Variants in KIF5B observed in about 807,000 individuals in gnomAD.
KIF5B encodes the protein kinesin family member 5B, also known as kinesin-1 heavy chain.
A neutral mutation model predicts 132.8 loss-of-function variants in KIF5B; 49 were observed. The ratio of observed to expected loss-of-function variants is 0.37; its 90% CI spans 0.29 to 0.47. The LOEUF is 0.47. Among genes scored for constraint, KIF5B ranks in the 20% least tolerant of loss-of-function variants. KIF5B has a pLI of 1.00. For synonymous variants in KIF5B, 355 were observed against 369.4 expected (o/e 0.96, Z 0.45); for missense variants, 780 against 1,144.0 (o/e 0.68, Z 4.59).
At chr10:32,023,510 GA>G (rs1234180903) in intron 15 of KIF5B, among the ~76,000 whole-genome samples, 1 of 152,162 alleles carries the variant, frequency 6.6e-6, no homozygotes, top group Non-Finnish European at 1.5e-5. Context: ...CCTTCAGGAA[GA>G]AATAAAACTG....
rs182794074 is a variant in KIF5B at position 32,050,581 on chromosome 10, T to C, written c.127-2030A>G. Among the ~76,000 whole-genome samples the C allele has an allele frequency of 3.3e-5, 5 of 152,330 alleles. No homozygotes were observed. In the East Asian group the frequency reaches 9.6e-4, roughly 29 times the overall value. On this transcript the variant is annotated intron_variant, in intron 1 of 25. Coordinates refer to ENST00000302418, the MANE Select transcript of KIF5B (RefSeq NM_004521.3). ...CCGTGAAGGGCCTATATCCAGGCTT[T>C]TTGTTATGTGAGAAAAACATCCTCT... is the stretch of plus-strand genomic sequence containing the variant.
At chr10:32,055,518 G>GCACACACA (rs61091883) in intron 1 of KIF5B, among the ~76,000 whole-genome samples, 12 of 150,022 alleles carry the variant, frequency 8.0e-5, no homozygotes, top group African/African-American at 1.5e-4. Context: ...ATCCGTAATT[G>GCACACACA]CACACACACA....
In KIF5B at chr10:32,014,446, C is replaced by T. The variant is rs1393411326; in HGVS notation, c.*20+1063G>A. Among the ~76,000 whole-genome samples the T allele has an allele frequency of 6.6e-5, 10 of 151,984 alleles. No individual in the cohort carries two copies. The East Asian group carries it at 1.9e-3, about 29-fold the overall frequency. On this transcript the variant is annotated intron_variant, in intron 25 of 25. Transcript: ENST00000302418. ...GGGGGCAGGGGGCCGGAAAAAAAAGCAGGCTCCGAAGCAGCATATGTAGTA... is the reference window on the plus strand; with the variant it reads ...GGGGGCAGGGGGCCGGAAAAAAAAGTAGGCTCCGAAGCAGCATATGTAGTA...
intron 9 of KIF5B, 100 bp downstream of exon 9, chr10:32,035,788 CTT>C (rs1369549772): frequency 3.2e-5 from 42 of 1,316,698 alleles, no homozygotes; most frequent in Admixed American, 6.5e-5. Context: ...CTCAATCTCT[CTT>C]TCTCTCTCTC....
At chr10:32,022,070 A>C (rs1341656121) in intron 17 of KIF5B, 70 bp downstream of exon 17, 2 of 734,324 alleles carry the variant, frequency 2.7e-6, no homozygotes, top group Non-Finnish European at 4.6e-6. Flanking sequence ...TTCAGTGTGA[A>C]TATTAAGTTT....
At position 32,024,337 on chromosome 10, in the gene KIF5B, G is replaced by T. The variant is rs1363224059; in HGVS notation, c.1726-1301C>A. On this transcript the variant is annotated intron_variant, in intron 15 of 25. Transcript: ENST00000302418. ...GCCCGGCTAATTTTTTGTATTTTTA[G>T]TAGAGACGGGGTTTCACCGTTTTAG... Among the ~76,000 whole-genome samples the T allele has an allele frequency of 6.2e-5, 9 of 145,468 alleles. No individual in the cohort carries two copies. The South Asian group carries it at 1.9e-3, about 31-fold the overall frequency.
At chr10:32,021,326 CT>C (rs766483938) in intron 17 of KIF5B, 39 bp from the exon 18 acceptor site, 8 of 1,436,650 alleles carry the variant, frequency 5.6e-6, no homozygotes, top group Non-Finnish European at 6.8e-6. Context: ...TGAAATAAGC[CT>C]TTAAGGTTCC....
rs773750987 is a variant in KIF5B, at chr10:32,056,017, G to A, written c.-44C>T. The A allele has an allele frequency of 1.3e-6, 2 of 1,597,220 alleles. No homozygotes were observed. The highest frequency in any genetic ancestry group is 1.3e-5 in the African/African-American group (1 of 74,862). On this transcript the variant is annotated 5_prime_UTR_variant, in exon 1 of 26. Coordinates refer to ENST00000302418, the MANE Select transcript of KIF5B (RefSeq NM_004521.3). Reference sequence around the variant, plus strand: ...CGGCGGCCGGGAGCCACTCCCCGCCGCTCAGTCTTGCAGGGAACGCGCCGG... The same window carrying A: ...CGGCGGCCGGGAGCCACTCCCCGCCACTCAGTCTTGCAGGGAACGCGCCGG...
At chr10:32,012,447 G>A (rs965936052) in intron 25 of KIF5B, among the ~76,000 whole-genome samples, 24 of 152,216 alleles carry the variant, frequency 1.6e-4, no homozygotes, top group Non-Finnish European at 1.3e-4. Flanking sequence ...CTGCACTCCA[G>A]TGCAAATTAT....
At chr10:32,017,107 G>A in intron 24 of KIF5B, 36 bp downstream of exon 24, 1 of 1,524,588 alleles carries the variant, frequency 6.6e-7, no homozygotes, top group Non-Finnish European at 9.1e-7. Flanking sequence ...CATTCAAATT[G>A]AGCAAGGTTT....
At chr10:32,032,841 G>A (rs1307340686) in intron 12 of KIF5B, 67 bp from the exon 13 acceptor site, 21 of 1,143,212 alleles carry the variant, frequency 1.8e-5, no homozygotes, top group Non-Finnish European at 2.8e-5. Context: ...CCCAATACAG[G>A]TTATAAGATT....
At chr10:32,021,800 G>A (rs1841267668) in intron 17 of KIF5B, among the ~76,000 whole-genome samples, 1 of 152,014 alleles carries the variant, frequency 6.6e-6, no homozygotes, top group Non-Finnish European at 1.5e-5. Flanking sequence ...GTGAAGCCCT[G>A]TCTCTACAAA....
intron 1 of KIF5B, among the ~76,000 whole-genome samples, chr10:32,053,114 C>T (rs1465474013): frequency 6.6e-6 from 1 of 152,092 alleles, no homozygotes; most frequent in East Asian, 1.9e-4. Flanking sequence ...GTTTTAAATG[C>T]TGCATTGCAG....
At chr10:32,047,357 T>A (rs1481660448) in intron 2 of KIF5B, among the ~76,000 whole-genome samples, 1 of 152,096 alleles carries the variant, frequency 6.6e-6, no homozygotes, top group Non-Finnish European at 1.5e-5. Context: ...TTATAATCAC[T>A]CCTTTGACTA....
At chr10:32,042,069 G>A (rs994151264) in intron 2 of KIF5B, among the ~76,000 whole-genome samples, 12 of 152,042 alleles carry the variant, frequency 7.9e-5, no homozygotes, top group African/African-American at 2.7e-4. Context: ...TGACAAGAAA[G>A]GTACTATGAA....
chr10:32,015,415 T>C (rs1268016286), intron 25 of KIF5B, 94 bp downstream of exon 25: 2 of 914,254 alleles, frequency 2.2e-6, no homozygotes, highest in Admixed American at 5.3e-5. Flanking sequence ...AAAAAAATCA[T>C]AACACTAATG....
chr10:32,034,572 C>T (rs1331485999), intron 11 of KIF5B, 118 bp downstream of exon 11: 16 of 661,500 alleles, frequency 2.4e-5, no homozygotes, highest in East Asian at 2.3e-4. Flanking sequence ...AAAATTATTT[C>T]GATGTCTATT....
rs1255652475 is a variant in KIF5B at position 32,019,960 on chromosome 10, C to T, written c.2205-1G>A. 6.3e-7 allele frequency: 1 copy of T among 1,587,806 alleles called. No homozygotes were observed. Among genetic ancestry groups the T allele is most frequent in the Non-Finnish European group, 8.6e-7 (1 of 1,167,490 alleles). ...CTCTAACATCATTTTCTGGTTTTGG[C>T]TGACGAAAGAAAAAAATAATTAACA... is the stretch of plus-strand genomic sequence containing the variant. On this transcript the variant is annotated splice_acceptor_variant, in intron 19 of 25. Coordinates refer to ENST00000302418, the MANE Select transcript of KIF5B (RefSeq NM_004521.3). LOFTEE classifies it high-confidence loss of function.
intron 15 of KIF5B, among the ~76,000 whole-genome samples, chr10:32,028,209 G>A (rs1191270508): frequency 1.3e-5 from 2 of 150,304 alleles, no homozygotes; most frequent in Non-Finnish European, 3.0e-5. Flanking sequence ...AATCAAACAT[G>A]AGGTCCAATA....
Sources: gnomAD v4.1 joint callset for allele counts (sites outside exome capture counted in the v4.1 genomes callset) on GRCh38, gnomAD v4.1.1 for gene constraint, MANE v1.5 for transcripts, NCBI Gene and HGNC (gene_info 2026-07-23, HGNC 2026-07-21) for gene names.